Variants in R3HDM2 observed in about 807,000 individuals in gnomAD.
R3HDM2 encodes the protein R3H domain-containing protein 2.
A neutral mutation model predicts 124.5 loss-of-function variants in R3HDM2; 38 were observed. The observed-to-expected ratio is 0.31, with a 90% CI of 0.24 to 0.40. The LOEUF is 0.40. Ranked by LOEUF, R3HDM2 falls within the 10% of genes least tolerant of loss-of-function variation. The pLI is 1.00. For synonymous variants in R3HDM2, 391 were observed against 448.0 expected (o/e 0.87, Z 1.61); for missense variants, 869 against 1,236.9 (o/e 0.70, Z 4.46).
chr12:57,350,905 C>T (rs1400857817), intron 2 of R3HDM2, among the ~76,000 whole-genome samples: 1 of 152,094 alleles, frequency 6.6e-6, no homozygotes, highest in Non-Finnish European at 1.5e-5. Flanking sequence ...TCAAGACCAG[C>T]CTGGCCAAGA....
intron 2 of R3HDM2, among the ~76,000 whole-genome samples, chr12:57,381,372 C>T (rs145354346): frequency 4.3e-4 from 65 of 151,910 alleles, no homozygotes; most frequent in African/African-American, 1.4e-3. Flanking sequence ...GCCAACATGG[C>T]GAAACCCTGT....
Position 57,267,043 on chromosome 12 carries a change from T to C in R3HDM2, c.2031-212A>G, listed in dbSNP as rs372986449. 61 of 443,314 alleles carry C rather than the reference T, an allele frequency of 1.4e-4. No homozygotes were observed. The East Asian group carries it at 1.8e-3, about 13-fold the overall frequency. The allele number at this position is 443,314 out of a possible 1,614,324, so 27.5% of individuals were successfully genotyped here. The stretch of plus-strand genomic sequence containing the variant: ...CTTGATCATCTTTCAATTAGGAAGC[T>C]GCTAATCAGTGCTACAGATGGAATG... On this transcript the variant is annotated intron_variant, in intron 18 of 23. Coordinates refer to ENST00000402412, the MANE Select transcript of R3HDM2 (RefSeq NM_001394031.1).
At chr12:57,334,153 C>T (rs2058571489) in intron 2 of R3HDM2, among the ~76,000 whole-genome samples, 1 of 152,202 alleles carries the variant, frequency 6.6e-6, no homozygotes, top group African/African-American at 2.4e-5. Flanking sequence ...GCTGCAGTAG[C>T]AGCTCAATTC....
At chr12:57,395,920 C>G (rs1488093469) in intron 1 of R3HDM2, 102 bp from the exon 2 acceptor site, 2 of 414,274 alleles carry the variant, frequency 4.8e-6, no homozygotes, top group South Asian at 1.0e-4. Context: ...TTAATATCAT[C>G]TTTCCCAATT....
intron 2 of R3HDM2, among the ~76,000 whole-genome samples, chr12:57,346,102 A>C (rs149180101): frequency 4.0e-5 from 6 of 149,780 alleles, no homozygotes; most frequent in Non-Finnish European, 8.9e-5. Flanking sequence ...GGTTGCAGTG[A>C]GCCAAGATCG....
chr12:57,262,134 C>T (rs966049216), intron 19 of R3HDM2, among the ~76,000 whole-genome samples: 18 of 152,168 alleles, frequency 1.2e-4, no homozygotes. Context: ...ATAAAATCCA[C>T]AGGCATCTTT....
chr12:57,306,016 A>T (rs1231887238), intron 3 of R3HDM2, among the ~76,000 whole-genome samples: 1 of 152,222 alleles, frequency 6.6e-6, no homozygotes, highest in Non-Finnish European at 1.5e-5. Flanking sequence ...TTTGAAGGAT[A>T]AATAGGCTTT....
intron 1 of R3HDM2, among the ~76,000 whole-genome samples, chr12:57,413,549 A>T (rs2069217278): frequency 6.6e-6 from 1 of 151,918 alleles, no homozygotes; most frequent in African/African-American, 2.4e-5. Context: ...CAGCCTGACC[A>T]ACATGGTGAA....
intron 1 of R3HDM2, among the ~76,000 whole-genome samples, chr12:57,397,399 G>T (rs1250939467): frequency 6.6e-6 from 1 of 152,178 alleles, no homozygotes; most frequent in Non-Finnish European, 1.5e-5. Flanking sequence ...CTATGCTAAA[G>T]TGAGAATATC....
At chr12:57,257,928 C>A in intron 21 of R3HDM2, 62 bp downstream of exon 21, 1 of 1,384,844 alleles carries the variant, frequency 7.2e-7, no homozygotes, top group Admixed American at 2.4e-5. Context: ...TCAATCTCTG[C>A]AATTGGGAAT....
intron 2 of R3HDM2, among the ~76,000 whole-genome samples, chr12:57,342,172 A>G (rs961498034): frequency 6.6e-6 from 1 of 152,208 alleles, no homozygotes; most frequent in Non-Finnish European, 1.5e-5. Context: ...AACTCACCCC[A>G]GATGGATCTG....
intron 11 of R3HDM2, among the ~76,000 whole-genome samples, chr12:57,290,702 C>T (rs2048394553): frequency 6.6e-6 from 1 of 152,188 alleles, no homozygotes; most frequent in Admixed American, 6.5e-5. Flanking sequence ...CAACCTCTGC[C>T]TCCTGGGTTC....
chr12:57,295,582 A>G, intron 9 of R3HDM2, 75 bp from the exon 10 acceptor site: 1 of 992,982 alleles, frequency 1.0e-6, no homozygotes, highest in South Asian at 1.4e-5. Context: ...TATTAGGTAC[A>G]GCTCTCCTAA....
chr12:57,316,506 AT>A (rs2055048649), intron 2 of R3HDM2, among the ~76,000 whole-genome samples: 1 of 151,590 alleles, frequency 6.6e-6, no homozygotes, highest in South Asian at 2.1e-4. Flanking sequence ...TTGGATGCAG[AT>A]GATACCTAGA....
intron 7 of R3HDM2, chr12:57,297,875 C>G (rs1191805232): frequency 3.5e-6 from 2 of 566,542 alleles, no homozygotes; most frequent in African/African-American, 3.8e-5. Context: ...TCTTCTTTCA[C>G]AGAAGTTTTC....
chr12:57,358,986 C>T (rs2061593755), intron 2 of R3HDM2, among the ~76,000 whole-genome samples: 1 of 151,328 alleles, frequency 6.6e-6, no homozygotes, highest in Non-Finnish European at 1.5e-5. Flanking sequence ...GGTGCAATCT[C>T]GGCTCACTGC....
chr12:57,286,706 C>T (rs2047418519), intron 12 of R3HDM2, among the ~76,000 whole-genome samples: 1 of 152,040 alleles, frequency 6.6e-6, no homozygotes, highest in South Asian at 2.1e-4. Context: ...TGGAGAAACC[C>T]CGTCTCTACT....
intron 2 of R3HDM2, among the ~76,000 whole-genome samples, chr12:57,394,592 T>C (rs1282403580): frequency 2.0e-5 from 3 of 152,146 alleles, no homozygotes; most frequent in Non-Finnish European, 4.4e-5. Context: ...AATAAAGGTC[T>C]TTTTTTAAAA....
chr12:57,281,612 A>G (rs1234658083), intron 13 of R3HDM2, among the ~76,000 whole-genome samples: 5 of 151,916 alleles, frequency 3.3e-5, no homozygotes, highest in African/African-American at 1.2e-4. Context: ...CAGCCTCCCA[A>G]GTAGCTGGGA....
Sources: gnomAD v4.1 joint callset for allele counts (sites outside exome capture counted in the v4.1 genomes callset) on GRCh38, gnomAD v4.1.1 for gene constraint, MANE v1.5 for transcripts, NCBI Gene and HGNC (gene_info 2026-07-23, HGNC 2026-07-21) for gene names.